The following ANKS1A variants were observed in gnomAD, a reference collection of about 807,000 sequenced individuals.
ANKS1A encodes the protein ankyrin repeat and SAM domain-containing protein 1A.
In ANKS1A, 55 loss-of-function variants were observed where a neutral mutation model predicts 120.3. The ratio of observed to expected loss-of-function variants is 0.46; its 90% CI spans 0.37 to 0.57. The LOEUF is 0.57. Among genes scored for constraint, ANKS1A ranks in the 20% least tolerant of loss-of-function variants. The pLI is 0.00. For missense variants in ANKS1A, 1,123 were observed against 1,480.3 expected (o/e 0.76, Z 3.96); for synonymous variants, 590 against 604.7 (o/e 0.98, Z 0.36).
At chr6:35,061,379 A>C (rs1156724433) in intron 13 of ANKS1A, among the ~76,000 whole-genome samples, 1 of 152,168 alleles carries the variant, frequency 6.6e-6, no homozygotes, top group East Asian at 1.9e-4. Context: ...ACCCGCTCCG[A>C]GGGGATCTCT....
chr6:35,060,211 G>C lies in ANKS1A; in HGVS notation c.2142G>C (p.Glu714Asp), dbSNP rs1263391373. 1.9e-6 allele frequency: 3 copies of C among 1,612,922 alleles called. No homozygotes were observed. Among genetic ancestry groups the C allele is most frequent in the Non-Finnish European group, 2.5e-6 (3 of 1,179,854 alleles). The change falls in exon 13 of 24, where the codon GAG becomes GAC. Residue 714 changes from glutamate (E) to aspartate (D), a missense_variant. Around this residue, in one of 3 missense-constraint regions of ANKS1A, gnomAD observed 904 missense variants for 1,130.4 expected, o/e 0.80. Coordinates refer to ENST00000360359, the MANE Select transcript of ANKS1A (RefSeq NM_015245.3). The surrounding 1 kb of genome is among the most constrained non-coding windows in gnomAD (Gnocchi z 4.5). Reference protein sequence around the residue: ...WLESIGLQQYESKLLLNGFDD... With the variant: ...WLESIGLQQYDSKLLLNGFDD... ...AGTCGATTGGGCTGCAGCAGTATGAGAGCAAGTTGCTTCTGAATGGCTTTG... is the reference window on the plus strand; with the variant it reads ...AGTCGATTGGGCTGCAGCAGTATGACAGCAAGTTGCTTCTGAATGGCTTTG...
intron 1 of ANKS1A, among the ~76,000 whole-genome samples, chr6:34,913,780 G>T (rs534684698): frequency 6.6e-6 from 1 of 152,066 alleles, no homozygotes; most frequent in African/African-American, 2.4e-5. Flanking sequence ...CTATAGGCGT[G>T]CACCACCACA....
At chr6:34,930,572 C>T (rs73421528) in intron 1 of ANKS1A, among the ~76,000 whole-genome samples, 11,830 of 152,224 alleles carry the variant, frequency 0.078, 665 homozygotes, top group East Asian at 0.33. Context: ...TAGGGTTGAG[C>T]GAGATGTCCT....
At chr6:34,979,943 A>G (rs1346297780) in intron 3 of ANKS1A, among the ~76,000 whole-genome samples, 2 of 152,222 alleles carry the variant, frequency 1.3e-5, no homozygotes, top group Admixed American at 1.3e-4. Flanking sequence ...GTGATAATCA[A>G]CCAGAGAAAT....
intron 13 of ANKS1A, chr6:35,070,918 CT>C: frequency 1.5e-6 from 1 of 660,080 alleles, no homozygotes; most frequent in Non-Finnish European, 2.7e-6. Context: ...CCTGAGACTC[CT>C]TGCCATAGTC....
intron 1 of ANKS1A, among the ~76,000 whole-genome samples, chr6:34,904,809 T>C (rs1290874947): frequency 1.3e-5 from 2 of 152,166 alleles, no homozygotes; most frequent in East Asian, 1.9e-4. Context: ...CTTTTCTTTT[T>C]TTTCTTTTCT....
rs761460307 is a variant in ANKS1A, at chr6:35,078,541, C to T, written c.2185-17C>T. ...TCCATCCAGGAGGGGCCCTGACATC[C>T]ACCTTTCTGCTCTCAGGGGTCTAAT... On this transcript the variant is annotated splice_polypyrimidine_tract_variant and intron_variant, in intron 13 of 23. Transcript: ENST00000360359. 6.2e-6 allele frequency: 10 copies of T among 1,609,434 alleles called. No homozygotes were observed. Among genetic ancestry groups the T allele is most frequent in the Middle Eastern group, 1.7e-4 (1 of 6,056 alleles).
intron 1 of ANKS1A, among the ~76,000 whole-genome samples, chr6:34,890,299 C>T (rs957979344): frequency 2.0e-5 from 3 of 152,152 alleles, no homozygotes; most frequent in African/African-American, 4.8e-5. Context: ...ACCATATTGG[C>T]CAGGCTGGTC....
At chr6:35,024,740 C>G (rs529062521) in intron 11 of ANKS1A, among the ~76,000 whole-genome samples, 14 of 152,304 alleles carry the variant, frequency 9.2e-5, no homozygotes, top group African/African-American at 3.4e-4. Context: ...CTTTCCAGCT[C>G]TTTCTCATTA....
rs1056235305 is a variant in ANKS1A at position 35,086,341 on chromosome 6, G to A, written c.3303+405G>A. The A allele has an allele frequency of 2.1e-4, 276 of 1,299,160 alleles. No individual in the cohort carries two copies. Among genetic ancestry groups the A allele is most frequent in the Non-Finnish European group, 2.5e-4 (246 of 995,638 alleles). The allele number at this position is 1,299,160 out of a possible 1,614,324, so 80.5% of individuals were successfully genotyped here. A position where few individuals can be genotyped will look rare whatever the true frequency, so the allele number is the denominator to read the frequency against. ...CCACCCACCGTCCTTCCTACCTACC[G>A]CTGCCATCTGTTAGTCCTGGAGTCA... On this transcript the variant is annotated intron_variant, in intron 22 of 23. Transcript: ENST00000360359. The surrounding 1 kb of genome is among the most constrained non-coding windows in gnomAD (Gnocchi z 5.1).
chr6:34,901,134 A>G (rs1013512356), intron 1 of ANKS1A, among the ~76,000 whole-genome samples: 1 of 152,188 alleles, frequency 6.6e-6, no homozygotes, highest in East Asian at 1.9e-4. Flanking sequence ...ATGCACTACC[A>G]GGGCCAAAGT....
At chr6:34,916,385 T>C (rs1768167850) in intron 1 of ANKS1A, among the ~76,000 whole-genome samples, 1 of 152,208 alleles carries the variant, frequency 6.6e-6, no homozygotes, top group Non-Finnish European at 1.5e-5. Flanking sequence ...AGTATACTTT[T>C]CAACAAATAT....
intron 3 of ANKS1A, among the ~76,000 whole-genome samples, chr6:34,981,105 G>A (rs1426593951): frequency 6.6e-6 from 1 of 152,144 alleles, no homozygotes; most frequent in Non-Finnish European, 1.5e-5. Context: ...GACTGAGCCC[G>A]AGTGCCCCCT....
At chr6:34,959,123 A>T (rs1472104322) in intron 1 of ANKS1A, among the ~76,000 whole-genome samples, 1 of 152,254 alleles carries the variant, frequency 6.6e-6, no homozygotes, top group Admixed American at 6.5e-5. Flanking sequence ...TTAGGGTATC[A>T]TTCAGTCCAG....
chr6:34,914,008 C>G (rs574454283), intron 1 of ANKS1A, among the ~76,000 whole-genome samples: 1 of 152,298 alleles, frequency 6.6e-6, no homozygotes, highest in East Asian at 1.9e-4. Flanking sequence ...AGCTCCGCCT[C>G]TCAGGCTCAT....
intron 1 of ANKS1A, among the ~76,000 whole-genome samples, chr6:34,936,061 CA>C (rs34851777): frequency 0.017 from 619 of 36,338 alleles, 3 homozygotes; most frequent in African/African-American, 0.046. Context: ...GACTCCGTCT[CA>C]AAAAAAAAAA....
chr6:35,078,380 C>A (rs1294782366), intron 13 of ANKS1A, among the ~76,000 whole-genome samples, 178 bp from the exon 14 acceptor site: 2 of 152,280 alleles, frequency 1.3e-5, no homozygotes, highest in Non-Finnish European at 2.9e-5. Context: ...CTCTGCCTAG[C>A]TCCCCTGGGA....
chr6:35,070,421 A>T (rs1246936832), intron 13 of ANKS1A, among the ~76,000 whole-genome samples: 1 of 151,930 alleles, frequency 6.6e-6, no homozygotes, highest in African/African-American at 2.4e-5. Context: ...ATTGCCTCTA[A>T]GGGTGAATCA....
At chr6:34,901,413 A>G (rs1472480928) in intron 1 of ANKS1A, among the ~76,000 whole-genome samples, 1 of 152,194 alleles carries the variant, frequency 6.6e-6, no homozygotes, top group Non-Finnish European at 1.5e-5. Flanking sequence ...TGGTACTTTA[A>G]TCTTCACAAT....
Sources: gnomAD v4.1 joint callset for allele counts (sites outside exome capture counted in the v4.1 genomes callset) on GRCh38, gnomAD v4.1.1 for gene constraint, gnomAD v4.1.1 regional missense constraint, Gnocchi (gnomAD v3.1) non-coding constraint, MANE v1.5 for transcripts, NCBI Gene and HGNC (gene_info 2026-07-23, HGNC 2026-07-21) for gene names.